The following EBF3 variants were observed in gnomAD, a reference collection of about 807,000 sequenced individuals.
EBF3 encodes the protein EBF transcription factor 3.
Under a neutral mutation model 77.1 loss-of-function variants are expected in EBF3, and 18 were observed. That is an observed-to-expected ratio of 0.23 (90% CI 0.16 to 0.35). The LOEUF is 0.35. Ranked by LOEUF, EBF3 falls within the 10% of genes least tolerant of loss-of-function variation. EBF3 has a pLI of 1.00. For synonymous variants in EBF3, 350 were observed against 343.5 expected, an observed-to-expected ratio of 1.02 and a Z score of -0.21; for missense variants, 558 against 860.0, an observed-to-expected ratio of 0.65 and a Z score of 4.39.
At chr10:129,840,785 C>G in intron 14 of EBF3, 59 bp downstream of exon 14, 3 of 1,561,888 alleles carry the variant, frequency 1.9e-6, no homozygotes, top group Non-Finnish European at 2.6e-6. Flanking sequence ...AATGCACACA[C>G]TCGACTCGGT....
intron 10 of EBF3, among the ~76,000 whole-genome samples, chr10:129,852,711 G>GA (rs1453816391): frequency 6.6e-6 from 1 of 152,148 alleles, no homozygotes; most frequent in Non-Finnish European, 1.5e-5. Flanking sequence ...TGATAACACA[G>GA]AAAAAAAGAA....
At position 129,962,926 on chromosome 10, in the gene EBF3, C is replaced by T. The variant is rs1159418783; in HGVS notation, c.355+16G>A. The T allele has an allele frequency of 3.7e-6, 6 of 1,613,194 alleles. No homozygotes were observed. The highest frequency in any genetic ancestry group is 5.1e-6 in the Non-Finnish European group (6 of 1,179,554). On this transcript the variant is annotated intron_variant, in intron 3 of 16. Transcript: ENST00000440978. Reference sequence around the variant, plus strand: ...CCAGCCGCTGCAGGGGCGGCGAGCACGCAGCAGGCACTTACCGTTGCTGTA... The same window carrying T: ...CCAGCCGCTGCAGGGGCGGCGAGCATGCAGCAGGCACTTACCGTTGCTGTA...
intron 11 of EBF3, 41 bp from the exon 12 acceptor site, chr10:129,843,243 C>T (rs750266730): frequency 1.3e-5 from 20 of 1,581,546 alleles, no homozygotes; most frequent in Admixed American, 1.8e-5. Flanking sequence ...TGGGAGGAAC[C>T]GGCCAGTTAT....
At position 129,938,623 on chromosome 10, in the gene EBF3, G is replaced by C. The variant is rs1358801732; in HGVS notation, c.554+18635C>G. On this transcript the variant is annotated intron_variant, in intron 6 of 16. Transcript: ENST00000440978. The surrounding 1 kb of genome is among the most constrained non-coding windows in gnomAD (Gnocchi z 5.1). ...AAGAAGAAAACAATTTAGCATTTTT[G>C]ATGGGCAGCCCAGGCAGGCACGAGC... 6.6e-6 allele frequency among the ~76,000 whole-genome samples: 1 copy of C among 152,166 alleles called. No individual in the cohort carries two copies. Among genetic ancestry groups the C allele is most frequent in the South Asian group, 2.1e-4 (1 of 4,832 alleles).
At chr10:129,932,117 C>A (rs1237248855) in intron 6 of EBF3, among the ~76,000 whole-genome samples, 1 of 152,244 alleles carries the variant, frequency 6.6e-6, no homozygotes, top group Non-Finnish European at 1.5e-5. Flanking sequence ...GCCACTCTGG[C>A]AGGCAGTTAC....
intron 7 of EBF3, 77 bp from the exon 8 acceptor site, chr10:129,873,673 T>C (rs1852563910): frequency 1.5e-6 from 2 of 1,370,724 alleles, no homozygotes; most frequent in Non-Finnish European, 1.9e-6. Flanking sequence ...ATACAAGCCA[T>C]CTTAAATACT....
intron 6 of EBF3, among the ~76,000 whole-genome samples, chr10:129,915,471 CA>C (rs1855816167): frequency 9.0e-6 from 1 of 110,910 alleles, no homozygotes; most frequent in Non-Finnish European, 1.8e-5. Flanking sequence ...TGCACACACA[CA>C]CACACACACA....
intron 10 of EBF3, among the ~76,000 whole-genome samples, chr10:129,856,093 TAGG>T (rs1200931598): frequency 1.3e-5 from 2 of 152,136 alleles, no homozygotes; most frequent in Non-Finnish European, 2.9e-5. Flanking sequence ...GCCCTCCCCA[TAGG>T]AGGAAGGCCA....
intron 6 of EBF3, among the ~76,000 whole-genome samples, chr10:129,921,639 T>C (rs1413610930): frequency 6.6e-6 from 1 of 152,198 alleles, no homozygotes; most frequent in East Asian, 1.9e-4. Context: ...CAGGCCTGGC[T>C]ACCTCAACAG....
At chr10:129,928,903 A>C (rs148869571) in intron 6 of EBF3, among the ~76,000 whole-genome samples, 3 of 152,188 alleles carry the variant, frequency 2.0e-5, no homozygotes, top group Non-Finnish European at 2.9e-5. Context: ...GAACTTTTCC[A>C]TATCTTTCAT....
Position 129,841,986 on chromosome 10 carries a change from G to C in EBF3, c.1372+130C>G. The C allele has an allele frequency of 8.2e-7, 1 of 1,214,960 alleles. No homozygotes were observed. The highest frequency in any genetic ancestry group is 1.5e-5 in the South Asian group (1 of 66,492). 75.3% of individuals were successfully genotyped at this position (1,214,960 alleles called of 1,614,324 possible). On this transcript the variant is annotated intron_variant, in intron 13 of 16. Transcript: ENST00000440978. This position sits in a 1 kb window ranked among gnomAD's most constrained non-coding sequence, Gnocchi z 4.6. ...AAGGTCTTCCTGAGCAAAGGAACCA[G>C]CAGAGCCAGAGAGAACAGAACGCTA...
At chr10:129,862,601 C>T (rs779097463) in intron 10 of EBF3, among the ~76,000 whole-genome samples, 5 of 152,222 alleles carry the variant, frequency 3.3e-5, no homozygotes, top group Non-Finnish European at 7.3e-5. Context: ...CAAGCCACCT[C>T]TCCCAACCGG....
chr10:129,853,502 A>G (rs1231755590), intron 10 of EBF3, among the ~76,000 whole-genome samples: 1 of 152,236 alleles, frequency 6.6e-6, no homozygotes, highest in African/African-American at 2.4e-5. Context: ...CCTCGTAATG[A>G]GGCAGTTTTT....
intron 6 of EBF3, among the ~76,000 whole-genome samples, chr10:129,895,276 T>C (rs1259749926): frequency 1.3e-5 from 2 of 152,220 alleles, no homozygotes; most frequent in Non-Finnish European, 2.9e-5. Flanking sequence ...TAGCTCCTGA[T>C]TGCCCTCTGC....
At position 129,885,803 on chromosome 10, in the gene EBF3, G is replaced by A. The variant is rs978228042; in HGVS notation, c.555-7954C>T. On this transcript the variant is annotated intron_variant, in intron 6 of 16. Coordinates refer to ENST00000440978, the MANE Select transcript of EBF3 (RefSeq NM_001375380.1). This position sits in a 1 kb window ranked among gnomAD's most constrained non-coding sequence, Gnocchi z 4.0. Reference sequence around the variant, plus strand: ...CAGCATCACTTGGCTCACAACAGACGCACCCCCCTGACTTGTTGCCAGCTC... The same window carrying A: ...CAGCATCACTTGGCTCACAACAGACACACCCCCCTGACTTGTTGCCAGCTC... 2.0e-5 allele frequency among the ~76,000 whole-genome samples: 3 copies of A among 152,094 alleles called. No homozygotes were observed. Among genetic ancestry groups the A allele is most frequent in the Non-Finnish European group, 4.4e-5 (3 of 68,028 alleles).
chr10:129,908,486 C>G (rs1855295528), intron 6 of EBF3, among the ~76,000 whole-genome samples: 1 of 152,194 alleles, frequency 6.6e-6, no homozygotes, highest in African/African-American at 2.4e-5. Flanking sequence ...AGGGCGAATA[C>G]AAATCTCATT....
chr10:129,846,108 TTGTGTGTGTGTGTG>T lies in EBF3; in HGVS notation c.1128+2270_1128+2283del, dbSNP rs10530522. Among the ~76,000 whole-genome samples the T allele has an allele frequency of 7.2e-3, 1,003 of 139,686 alleles. 14 individuals are homozygous for T. Among genetic ancestry groups the T allele is most frequent in the African/African-American group, 0.021 (786 of 38,152 alleles). 91.6% of individuals were successfully genotyped at this position (139,686 alleles called of 152,430 possible). ...ATTGCCTTTATTTTCATTCTGGGCT[TTGTGTGTGTGTGTG>T]TGTGTGTGTGTGTGTGTGTGTGTGT... is the stretch of plus-strand genomic sequence containing the variant. On this transcript the variant is annotated intron_variant, in intron 11 of 16. Transcript: ENST00000440978.
intron 6 of EBF3, among the ~76,000 whole-genome samples, chr10:129,890,057 C>T (rs1853913908): frequency 1.4e-5 from 2 of 146,016 alleles, no homozygotes; most frequent in African/African-American, 2.5e-5. Flanking sequence ...AGGGCACACT[C>T]ATGTGCCCGA....
rs903669892 is a variant in EBF3, at chr10:129,874,750, C to T, written c.637-1154G>A. Among the ~76,000 whole-genome samples the T allele has an allele frequency of 6.6e-5, 10 of 152,270 alleles. No homozygotes were observed. In the Middle Eastern group the frequency reaches 0.01, roughly 155 times the overall value. On this transcript the variant is annotated intron_variant, in intron 7 of 16. Coordinates refer to ENST00000440978, the MANE Select transcript of EBF3 (RefSeq NM_001375380.1). ...CGGTGGTTGCACGTGAGTGGAGAAG[C>T]GGAAGGGGTTCCCAGTCAGGGTACA...
Sources: gnomAD v4.1 joint callset for allele counts (sites outside exome capture counted in the v4.1 genomes callset) on GRCh38, gnomAD v4.1.1 for gene constraint, Gnocchi (gnomAD v3.1) non-coding constraint, MANE v1.5 for transcripts, NCBI Gene and HGNC (gene_info 2026-07-23, HGNC 2026-07-21) for gene names.